ARHGAP28: variants seen among roughly 807,000 people sequenced by gnomAD.
The protein encoded by ARHGAP28 is rho GTPase-activating protein 28.
In ARHGAP28, 56 loss-of-function variants were observed where a neutral mutation model predicts 90.7. The ratio of observed to expected loss-of-function variants is 0.62; its 90% CI spans 0.50 to 0.77. The LOEUF (loss-of-function observed/expected upper bound fraction) is 0.77, where lower values mean the gene tolerates loss of function less well. ARHGAP28 is among the 30% of genes least tolerant of loss of function. The probability of loss-of-function intolerance (pLI) is 0.00; values close to 1 mark genes in which losing one functional copy is unlikely to be tolerated. For synonymous variants in ARHGAP28, 308 were observed against 323.3 expected (o/e 0.95, Z 0.51); for missense variants, 869 against 900.9 (o/e 0.96, Z 0.45).
intron 17 of ARHGAP28, 50 bp from the exon 18 acceptor site, chr18:6,912,010 C>A: frequency 8.1e-7 from 1 of 1,228,714 alleles, no homozygotes. Flanking sequence ...TGTGCGCACG[C>A]ACACACACAC....
At position 6,852,509 on chromosome 18, in the gene ARHGAP28, C is replaced by T. The variant is rs191543169; in HGVS notation, c.636+1383C>T. On this transcript the variant is annotated intron_variant, in intron 4 of 17. Transcript: ENST00000383472. ...AATTATCAGTTATATCTGTTTGCTT[C>T]ATATAAAAGAAAATCTAAGGAACTT... is the stretch of plus-strand genomic sequence containing the variant. Among the ~76,000 whole-genome samples the T allele has an allele frequency of 1.9e-4, 29 of 152,074 alleles. No individual in the cohort carries two copies. In the East Asian group the frequency reaches 5.2e-3, roughly 27 times the overall value.
At chr18:6,893,867 G>T (rs1247735763) in intron 14 of ARHGAP28, among the ~76,000 whole-genome samples, 43 of 130,808 alleles carry the variant, frequency 3.3e-4, no homozygotes, top group Admixed American at 5.6e-4. Context: ...TTGCTTTTTG[G>T]TTTTTTTTTT....
At chr18:6,780,640 G>C (rs1431648357) in intron 1 of ARHGAP28, among the ~76,000 whole-genome samples, 3 of 152,094 alleles carry the variant, frequency 2.0e-5, no homozygotes, top group Non-Finnish European at 4.4e-5. Flanking sequence ...TGTAATCCCA[G>C]CACTTTGGTA....
At chr18:6,841,195 C>G (rs1315232247) in intron 3 of ARHGAP28, among the ~76,000 whole-genome samples, 8 of 63,346 alleles carry the variant, frequency 1.3e-4, no homozygotes, top group African/African-American at 3.5e-4. Flanking sequence ...CTCTCTCTCT[C>G]TCTCTCTCCT....
At chr18:6,882,007 T>A in intron 10 of ARHGAP28, 130 bp from the exon 11 acceptor site, 1 of 749,368 alleles carries the variant, frequency 1.3e-6, no homozygotes, top group Non-Finnish European at 2.0e-6. Flanking sequence ...TGAAAAAAAA[T>A]TACTCTTGGT....
chr18:6,877,579 C>T (rs2057141494), intron 10 of ARHGAP28, among the ~76,000 whole-genome samples: 1 of 152,178 alleles, frequency 6.6e-6, no homozygotes, highest in African/African-American at 2.4e-5. Context: ...AGCAGGGCAC[C>T]AGGGCATCAG....
At chr18:6,878,101 TC>T (rs2057147179) in intron 10 of ARHGAP28, among the ~76,000 whole-genome samples, 3 of 152,028 alleles carry the variant, frequency 2.0e-5, no homozygotes, top group Admixed American at 2.0e-4. Context: ...CAGAGCATTG[TC>T]CAACAATGAT....
chr18:6,737,677 G>A (rs2055940268), intron 1 of ARHGAP28, among the ~76,000 whole-genome samples: 2 of 152,076 alleles, frequency 1.3e-5, no homozygotes, highest in Non-Finnish European at 2.9e-5. Flanking sequence ...TTTTCATAAT[G>A]TATCATTCTT....
intron 1 of ARHGAP28, among the ~76,000 whole-genome samples, chr18:6,804,040 A>G (rs1051527635): frequency 3.9e-5 from 6 of 152,156 alleles, no homozygotes; most frequent in African/African-American, 1.4e-4. Flanking sequence ...CGGCCTCCCA[A>G]AGTGCTGGGA....
intron 6 of ARHGAP28, among the ~76,000 whole-genome samples, chr18:6,869,639 A>T (rs903578913): frequency 3.2e-4 from 49 of 152,064 alleles, no homozygotes; most frequent in Non-Finnish European, 2.4e-4. Context: ...CAGAATTTTT[A>T]TATCTGTTGA....
chr18:6,896,896 T>C (rs986250292), intron 16 of ARHGAP28: 11 of 274,284 alleles, frequency 4.0e-5, no homozygotes, highest in Admixed American at 1.5e-4. Flanking sequence ...CAGTGAGTTT[T>C]ACCTTTTATT....
chr18:6,822,678 T>C (rs749498339), intron 1 of ARHGAP28, among the ~76,000 whole-genome samples: 19 of 152,116 alleles, frequency 1.2e-4, no homozygotes, highest in Non-Finnish European at 2.2e-4. Flanking sequence ...TCCTGAAATG[T>C]TTTGGTTTAA....
intron 1 of ARHGAP28, among the ~76,000 whole-genome samples, chr18:6,731,763 A>G (rs568005545): frequency 1.3e-5 from 2 of 152,346 alleles, no homozygotes; most frequent in African/African-American, 4.8e-5. Flanking sequence ...GAGCCAGAGG[A>G]CACCATTAAT....
chr18:6,892,686 C>T (rs1386757891), intron 14 of ARHGAP28, among the ~76,000 whole-genome samples: 1 of 152,170 alleles, frequency 6.6e-6, no homozygotes, highest in Non-Finnish European at 1.5e-5. Context: ...TGCTTCATGA[C>T]TTTTCTCCTG....
At chr18:6,808,383 T>C (rs1450123130) in intron 1 of ARHGAP28, among the ~76,000 whole-genome samples, 1 of 152,202 alleles carries the variant, frequency 6.6e-6, no homozygotes, top group Non-Finnish European at 1.5e-5. Context: ...TTTTTTCTGC[T>C]AACTCCATCA....
At chr18:6,881,192 TA>T (rs1189834984) in intron 10 of ARHGAP28, among the ~76,000 whole-genome samples, 1 of 152,166 alleles carries the variant, frequency 6.6e-6, no homozygotes, top group Non-Finnish European at 1.5e-5. Context: ...TAATCCTTAT[TA>T]GGAAAAGGTC....
At chr18:6,894,270 T>A (rs1371889831) in intron 14 of ARHGAP28, among the ~76,000 whole-genome samples, 1 of 152,216 alleles carries the variant, frequency 6.6e-6, no homozygotes, top group Admixed American at 6.5e-5. Context: ...AATCAGCCAC[T>A]TCTGACTTCC....
chr18:6,801,690 T>C (rs1020223198), intron 1 of ARHGAP28, among the ~76,000 whole-genome samples: 1 of 152,194 alleles, frequency 6.6e-6, no homozygotes, highest in Admixed American at 6.5e-5. Context: ...TACATTGATA[T>C]AATTTGTAAA....
At position 6,873,718 on chromosome 18, in the gene ARHGAP28, C is replaced by T. The variant is rs1484080416; in HGVS notation, c.1155C>T (p.Leu385=). 5 of 1,613,926 alleles carry T rather than the reference C, an allele frequency of 3.1e-6. No homozygotes were observed. In the South Asian group the frequency reaches 4.4e-5, roughly 14 times the overall value. ...NGIFGVPLTV[L]LDGDRKKDPG... is the part of the protein sequence containing the mutation. Reference sequence around the variant, plus strand: ...TTTTTGGAGTTCCACTTACAGTCCTCCTGGACGGTGACCGAAAGAAAGACC... The same window carrying T: ...TTTTTGGAGTTCCACTTACAGTCCTTCTGGACGGTGACCGAAAGAAAGACC... The change falls in exon 9 of 18, where the codon CTC becomes CTT. Residue 385 remains leucine (L), a synonymous_variant. Transcript: ENST00000383472.
Sources: gnomAD v4.1 joint callset for allele counts (sites outside exome capture counted in the v4.1 genomes callset) on GRCh38, gnomAD v4.1.1 for gene constraint, MANE v1.5 for transcripts, NCBI Gene and HGNC (gene_info 2026-07-23, HGNC 2026-07-21) for gene names.